HK1: variants seen among roughly 807,000 people sequenced by gnomAD.
HK1 encodes hexokinase 1.
Under a neutral mutation model 91.6 loss-of-function variants are expected in HK1, and 28 were observed. The observed-to-expected ratio is 0.31, with a 90% CI of 0.23 to 0.42. The LOEUF is 0.42. HK1 is among the 10% of genes least tolerant of loss of function. The pLI is 1.00. For missense variants in HK1, 770 were observed against 1,219.8 expected, an observed-to-expected ratio of 0.63 and a Z score of 5.49; for synonymous variants, 430 against 468.1, an observed-to-expected ratio of 0.92 and a Z score of 1.05.
At chr10:69,383,408 T>C (rs1839487566) in intron 10 of HK1, among the ~76,000 whole-genome samples, 1 of 152,228 alleles carries the variant, frequency 6.6e-6, no homozygotes, top group South Asian at 2.1e-4. Context: ...TCACTGGAGC[T>C]GATCATTATG....
upstream of HK1, chr10:69,318,220 G>A (rs553881158): frequency 2.4e-5 from 24 of 985,458 alleles, no homozygotes; most frequent in African/African-American, 3.0e-4. Context: ...GTGATGCACT[G>A]CCGCTGAAGA....
At chr10:69,276,116 A>ATATATATAT (rs1369009775) in intron 1 of HK1, among the ~76,000 whole-genome samples, 2 of 42,554 alleles carry the variant, frequency 4.7e-5, no homozygotes, top group Admixed American at 3.4e-4. Flanking sequence ...AAAAAAAAAA[A>ATATATATAT]AAATACATAT....
intron 3 of HK1, among the ~76,000 whole-genome samples, chr10:69,361,139 C>A (rs902278322): frequency 4.6e-5 from 7 of 152,238 alleles, no homozygotes; most frequent in Non-Finnish European, 7.3e-5. Flanking sequence ...TCCTGGCTAA[C>A]CTGCTCCCTG....
rs1021486765 is a variant in HK1 at position 69,357,987 on chromosome 10, A to G, written c.227-1910A>G. On this transcript the variant is annotated intron_variant, in intron 2 of 17. Transcript: ENST00000359426. ...ATTGTATACTTTAAATGGGTGAATT[A>G]TATGGTATGTGAATTAAATTTCAAT... 2.6e-5 allele frequency among the ~76,000 whole-genome samples: 4 copies of G among 152,228 alleles called. No individual in the cohort carries two copies. In the East Asian group the frequency reaches 7.7e-4, roughly 29 times the overall value.
upstream of HK1, among the ~76,000 whole-genome samples, chr10:69,314,213 G>C (rs2132545876): frequency 6.6e-6 from 1 of 152,364 alleles, no homozygotes. Context: ...ATTTCTTCCA[G>C]ATGTTCCCAT....
At chr10:69,327,551 C>T (rs886857329) in intron 1 of HK1, among the ~76,000 whole-genome samples, 2 of 152,162 alleles carry the variant, frequency 1.3e-5, no homozygotes, top group African/African-American at 2.4e-5. Context: ...ACTCATTCAG[C>T]GCATGCACAA....
At chr10:69,335,332 C>T (rs1366497139) in intron 1 of HK1, among the ~76,000 whole-genome samples, 2 of 152,198 alleles carry the variant, frequency 1.3e-5, no homozygotes, top group Admixed American at 6.5e-5. Context: ...AGGAGCAGAT[C>T]GGACAGCTTG....
intron 2 of HK1, among the ~76,000 whole-genome samples, chr10:69,353,899 G>A (rs1011045975): frequency 2.0e-5 from 3 of 152,218 alleles, no homozygotes; most frequent in African/African-American, 7.2e-5. Context: ...GGAGGGGGTT[G>A]TAGGAACCCC....
rs1839304695 is a variant in HK1 at position 69,379,955 on chromosome 10, C to T, written c.1125C>T (p.Cys375=). The change falls in exon 9 of 18, where the codon TGC becomes TGT. Residue 375 remains cysteine, a synonymous_variant. Coordinates refer to ENST00000359426, the MANE Select transcript of HK1 (RefSeq NM_000188.3). ...ACTGTGTCTCAGTCCAGCACGTTTG[C>T]ACCATTGTCTCATTTCGCTCAGCCA... The part of the protein sequence containing the change: ...DDDCVSVQHV[C]TIVSFRSANL... The T allele has an allele frequency of 2.5e-6, 4 of 1,614,182 alleles. No individual in the cohort carries two copies. Among genetic ancestry groups the T allele is most frequent in the Non-Finnish European group, 3.4e-6 (4 of 1,179,998 alleles).
chr10:69,289,962 C>A (rs1845222786), intron 3 of HK1, among the ~76,000 whole-genome samples: 1 of 151,994 alleles, frequency 6.6e-6, no homozygotes, highest in Non-Finnish European at 1.5e-5. Flanking sequence ...GATTCTCCCC[C>A]TGGATGTTGA....
At chr10:69,313,688 G>GT (rs1457423831), upstream of HK1, among the ~76,000 whole-genome samples, 1 of 152,000 alleles carries the variant, frequency 6.6e-6, no homozygotes, top group African/African-American at 2.4e-5. Context: ...GTAGAGATGG[G>GT]GTTTCTCCAT....
At chr10:69,372,003 G>C (rs1850031200) in intron 7 of HK1, among the ~76,000 whole-genome samples, 1 of 152,186 alleles carries the variant, frequency 6.6e-6, no homozygotes, top group Admixed American at 6.5e-5. Flanking sequence ...ACAAAAGAAA[G>C]AGGTTTAATA....
chr10:69,276,138 T>TATATATATATAC (rs753204633), intron 1 of HK1, among the ~76,000 whole-genome samples: 822 of 76,236 alleles, frequency 0.011, 39 homozygotes, highest in Non-Finnish European at 0.015. Flanking sequence ...TATATATATA[T>TATATATATATAC]ACACATATAT....
chr10:69,365,007 CA>C (rs1849629162), intron 4 of HK1, 105 bp downstream of exon 4: 4 of 1,262,574 alleles, frequency 3.2e-6, no homozygotes, highest in Non-Finnish European at 4.6e-6. Flanking sequence ...GAATGGTTTG[CA>C]TGTCTGGTAT....
Position 69,299,358 on chromosome 10 carries a change from TTTTGTTTGTTTG to T in HK1, c.-66-1394_-66-1383del, listed in dbSNP as rs76563350. On this transcript the variant is annotated intron_variant, in intron 4 of 21. Coordinates refer to the HK1 transcript ENST00000360289. ...ATTTTTTTGTTTGTTTGTTTGTGGT[TTTTGTTTGTTTG>T]TTTGTTTGTTTGTTTGAGACGGAGT... 2.6e-3 allele frequency among the ~76,000 whole-genome samples: 392 copies of T among 149,284 alleles called. 13 individuals carry two copies. The highest frequency in any genetic ancestry group is 9.5e-3 in the African/African-American group (379 of 40,046).
chr10:69,312,557 T>C (rs1380981582), upstream of HK1, among the ~76,000 whole-genome samples: 2 of 152,124 alleles, frequency 1.3e-5, no homozygotes, highest in Non-Finnish European at 2.9e-5. Flanking sequence ...CTTTTTTTTT[T>C]TTCTGAAGCT....
rs1208979555 is a variant in HK1, at chr10:69,384,783, T to C, written c.1720-13T>C. The C allele has an allele frequency of 6.2e-7, 1 of 1,614,078 alleles. No individual in the cohort carries two copies. Among genetic ancestry groups the C allele is most frequent in the African/African-American group, 1.3e-5 (1 of 74,952 alleles). On this transcript the variant is annotated splice_polypyrimidine_tract_variant and intron_variant, in intron 11 of 17. Transcript: ENST00000359426. ...CACAGAGAGCACGGGCGATCCTTTCTTTTCCCCTGCAGCTGTTTGATCACA... is the reference window on the plus strand; with the variant it reads ...CACAGAGAGCACGGGCGATCCTTTCCTTTCCCCTGCAGCTGTTTGATCACA...
Position 69,368,634 on chromosome 10 carries a change from A to G in HK1, c.591+3A>G. ...ACAAAGCCATCAAAAAGCGAGGGGT[A>G]ATTTCTCCTGGGCCCTCTGCCTCAG... On this transcript the variant is annotated splice_donor_region_variant and intron_variant, in intron 5 of 17. Transcript: ENST00000359426. The G allele has an allele frequency of 6.2e-7, 1 of 1,610,700 alleles. No homozygotes were observed. Among genetic ancestry groups the G allele is most frequent in the South Asian group, 1.1e-5 (1 of 91,014 alleles).
Position 69,392,165 on chromosome 10 carries a change from C to T in HK1, c.2076C>T (p.Asn692=), listed in dbSNP as rs567942387. 8.7e-6 allele frequency: 14 copies of T among 1,614,102 alleles called. No homozygotes were observed. In the African/African-American group the frequency reaches 1.1e-4, roughly 12 times the overall value. The part of the protein sequence containing the change: ...SNACYMEEMK[N]VEMVEGDQGQ... ...CCTGCTACATGGAGGAGATGAAGAA[C>T]GTGGAGATGGTGGAGGGGGACCAGG... Residue 692 remains asparagine, a synonymous_variant, in exon 15 of 18, where the codon AAC becomes AAT. Coordinates refer to ENST00000359426, the MANE Select transcript of HK1 (RefSeq NM_000188.3).
Sources: gnomAD v4.1 joint callset for allele counts (sites outside exome capture counted in the v4.1 genomes callset) on GRCh38, gnomAD v4.1.1 for gene constraint, MANE v1.5 for transcripts, NCBI Gene and HGNC (gene_info 2026-07-23, HGNC 2026-07-21) for gene names.